LRRC9: variants seen among roughly 807,000 people sequenced by gnomAD.
LRRC9 encodes leucine-rich repeat-containing protein 9.
Under a neutral mutation model 63.2 loss-of-function variants are expected in LRRC9, and 122 were observed. That is an observed-to-expected ratio of 1.93 (90% CI 1.67 to 2.24). The LOEUF (loss-of-function observed/expected upper bound fraction) is 2.24. LRRC9 is among the 30% of genes most tolerant of loss of function. LRRC9 has a pLI of 0.00. For synonymous variants in LRRC9, 366 were observed against 213.1 expected, an observed-to-expected ratio of 1.72 and a Z score of -6.25; for missense variants, 1,071 against 627.7, an observed-to-expected ratio of 1.71 and a Z score of -7.55.
intron 29 of LRRC9, among the ~76,000 whole-genome samples, chr14:60,049,299 G>C (rs1038595981): frequency 6.6e-6 from 1 of 152,150 alleles, no homozygotes; most frequent in African/African-American, 2.4e-5. Context: ...CTGTCATCAT[G>C]ATGCTGGCTG....
chr14:60,005,360 G>C (rs535220244), intron 21 of LRRC9, among the ~76,000 whole-genome samples: 2 of 152,076 alleles, frequency 1.3e-5, no homozygotes, highest in East Asian at 1.9e-4. Context: ...GTTTTGCTTT[G>C]TACATACAAT....
chr14:59,974,703 G>C, exon 13 of LRRC9: 1 of 652,368 alleles, frequency 1.5e-6, no homozygotes, highest in African/African-American at 1.8e-5. Context: ...GAGCTCTTCA[G>C]ACATGGTAAA....
At chr14:59,968,773 C>G (rs1476178987) in intron 12 of LRRC9, among the ~76,000 whole-genome samples, 1 of 152,180 alleles carries the variant, frequency 6.6e-6, no homozygotes, top group African/African-American at 2.4e-5. Flanking sequence ...CCTACCAGCC[C>G]TGTGCTGAGT....
intron 29 of LRRC9, among the ~76,000 whole-genome samples, chr14:60,046,091 G>A (rs1406832648): frequency 6.6e-6 from 1 of 152,048 alleles, no homozygotes; most frequent in African/African-American, 2.4e-5. Flanking sequence ...ATCTGTTCAT[G>A]TCCTTTGCCC....
At chr14:59,949,256 G>A (rs974756752) in intron 8 of LRRC9, among the ~76,000 whole-genome samples, 5 of 152,134 alleles carry the variant, frequency 3.3e-5, no homozygotes, top group African/African-American at 4.8e-5. Context: ...ATGTGTCGAG[G>A]AATTTATCCA....
In LRRC9 at chr14:59,938,914, CATATGCAT is replaced by C. The variant is rs1229125566; in HGVS notation, c.726+347_726+354del. 2.7e-5 allele frequency among the ~76,000 whole-genome samples: 4 copies of C among 146,528 alleles called. No homozygotes were observed. Among genetic ancestry groups the C allele is most frequent in the Non-Finnish European group, 6.0e-5 (4 of 67,004 alleles). Reference sequence around the variant, plus strand: ...ATACACATATATATACATATATACACATATGCATATATATACACATATATACATATACA... The same window carrying C: ...ATACACATATATATACATATATACACATATATACACATATATACATATACA... On this transcript the variant is annotated intron_variant, in intron 7 of 31. Transcript: ENST00000445360. This position sits in a 1 kb window ranked among gnomAD's most constrained non-coding sequence, Gnocchi z 4.2.
chr14:60,066,591 T>C (rs1007142703), downstream of LRRC9, among the ~76,000 whole-genome samples: 1 of 152,202 alleles, frequency 6.6e-6, no homozygotes, highest in Non-Finnish European at 1.5e-5. Flanking sequence ...TTCATTTTTC[T>C]ACATTTTCCT....
chr14:60,010,226 C>T (rs219377), intron 23 of LRRC9, among the ~76,000 whole-genome samples: 114,176 of 152,178 alleles, frequency 0.75, 44,925 homozygotes, highest in Non-Finnish European at 0.87. Flanking sequence ...GACATCTAGG[C>T]GTTTCCATAC....
chr14:59,969,859 G>A (rs1392673376), intron 12 of LRRC9, among the ~76,000 whole-genome samples: 1 of 152,122 alleles, frequency 6.6e-6, no homozygotes, highest in African/African-American at 2.4e-5. Context: ...TCTCCAAAAT[G>A]TACATCTTCA....
At chr14:60,002,817 T>A (rs1889496994) in intron 20 of LRRC9, among the ~76,000 whole-genome samples, 1 of 152,114 alleles carries the variant, frequency 6.6e-6, no homozygotes, top group African/African-American at 2.4e-5. Flanking sequence ...TCTGATAACA[T>A]GTCAGAATAG....
At chr14:59,928,823 G>A (rs1889433672) in intron 3 of LRRC9, among the ~76,000 whole-genome samples, 2 of 152,046 alleles carry the variant, frequency 1.3e-5, no homozygotes. Context: ...GAGCAATGGG[G>A]AAAGGACCAT....
At chr14:60,064,249 T>A (rs559674743), downstream of LRRC9, among the ~76,000 whole-genome samples, 2 of 152,346 alleles carry the variant, frequency 1.3e-5, no homozygotes, top group East Asian at 3.9e-4. Flanking sequence ...GTTATGAATT[T>A]GCTTGTTACA....
At chr14:59,956,232 G>T (rs1355140251) in intron 8 of LRRC9, among the ~76,000 whole-genome samples, 2 of 152,066 alleles carry the variant, frequency 1.3e-5, no homozygotes, top group Admixed American at 1.3e-4. Context: ...ATGTGACAGT[G>T]GGGTGTTAAG....
At chr14:60,046,950 GT>G (rs1462285767) in intron 29 of LRRC9, among the ~76,000 whole-genome samples, 2 of 152,114 alleles carry the variant, frequency 1.3e-5, no homozygotes, top group Non-Finnish European at 2.9e-5. Flanking sequence ...GTAGTTTGTA[GT>G]TCTCCTTGAA....
intron 23 of LRRC9, among the ~76,000 whole-genome samples, chr14:60,009,295 C>T (rs1449911459): frequency 6.6e-6 from 1 of 152,190 alleles, no homozygotes. Flanking sequence ...GTTTAATGGA[C>T]TCACAGTTCC....
At chr14:60,047,565 A>G (rs760782618) in intron 29 of LRRC9, among the ~76,000 whole-genome samples, 3 of 152,232 alleles carry the variant, frequency 2.0e-5, no homozygotes, top group Non-Finnish European at 2.9e-5. Context: ...AGAGCATTAC[A>G]TAATGGTAAA....
rs993012687 is a variant in LRRC9, at chr14:60,053,105, G to A, written c.4031G>A (p.Arg1344Gln). 1.0e-5 allele frequency: 7 copies of A among 700,588 alleles called. No individual in the cohort carries two copies. Among genetic ancestry groups the A allele is most frequent in the African/African-American group, 3.5e-5 (2 of 57,102 alleles). 43.4% of individuals were successfully genotyped at this position (700,588 alleles called of 1,614,324 possible). A position where few individuals can be genotyped will look rare whatever the true frequency, so the allele number is the denominator to read the frequency against. Residue 1344 changes from arginine (R) to glutamine (Q), a missense_variant, in exon 30 of 32, where the codon CGA (arginine) becomes CAA (glutamine). Transcript: ENST00000445360. The surrounding 1 kb of genome is among the most constrained non-coding windows in gnomAD (Gnocchi z 4.8). ...CTACATCGCCACATGCTTATATTTCGACTGCCTAACTTACAGATGTTAGAT... is the reference window on the plus strand; with the variant it reads ...CTACATCGCCACATGCTTATATTTCAACTGCCTAACTTACAGATGTTAGAT...
intron 29 of LRRC9, among the ~76,000 whole-genome samples, chr14:60,044,287 T>G (rs1341685303): frequency 6.6e-6 from 1 of 152,146 alleles, no homozygotes; most frequent in Admixed American, 6.5e-5. Context: ...TAGTCTGAAT[T>G]TCATTTATTT....
rs1887454056 is a variant in LRRC9, at chr14:59,986,190, G to T, written c.2211+966G>T. ...GAATGCACATGTACACATAGGCATGGATATTGTCTGGCTTTTATTTTGTTA... is the reference window on the plus strand; with the variant it reads ...GAATGCACATGTACACATAGGCATGTATATTGTCTGGCTTTTATTTTGTTA... On this transcript the variant is annotated intron_variant, in intron 17 of 31. Coordinates refer to ENST00000445360, the Ensembl canonical transcript of LRRC9. The surrounding 1 kb of genome is among the most constrained non-coding windows in gnomAD (Gnocchi z 4.7). 6.6e-6 allele frequency among the ~76,000 whole-genome samples: 1 copy of T among 152,142 alleles called. No individual in the cohort carries two copies. Among genetic ancestry groups the T allele is most frequent in the Admixed American group, 6.5e-5 (1 of 15,270 alleles).
Sources: allele counts gnomAD v4.1 joint callset (sites outside exome capture counted in the v4.1 genomes callset), GRCh38; gene constraint gnomAD v4.1.1; non-coding constraint Gnocchi (gnomAD v3.1); transcripts MANE v1.5; gene names NCBI Gene and HGNC (gene_info 2026-07-23, HGNC 2026-07-21).